DAB1: variants seen among roughly 807,000 people sequenced by gnomAD.
The protein encoded by DAB1 is disabled homolog 1.
A neutral mutation model predicts 64.6 loss-of-function variants in DAB1; 15 were observed. The ratio of observed to expected loss-of-function variants is 0.23; its 90% CI spans 0.16 to 0.36. The LOEUF (loss-of-function observed/expected upper bound fraction) is 0.36. Among genes scored for constraint, DAB1 ranks in the 10% least tolerant of loss-of-function variants. The pLI is 1.00. For synonymous variants in DAB1, 235 were observed against 251.9 expected, an observed-to-expected ratio of 0.93 and a Z score of 0.64; for missense variants, 596 against 706.7, an observed-to-expected ratio of 0.84 and a Z score of 1.78.
At chr1:57,748,960 T>C (rs1037847193) in intron 6 of DAB1, among the ~76,000 whole-genome samples, 1 of 152,220 alleles carries the variant, frequency 6.6e-6, no homozygotes, top group African/African-American at 2.4e-5. Context: ...CCACATAAAA[T>C]GCATTTTTGG....
intron 5 of DAB1, among the ~76,000 whole-genome samples, chr1:57,974,293 A>G (rs1342821113): frequency 6.6e-6 from 1 of 152,048 alleles, no homozygotes; most frequent in Non-Finnish European, 1.5e-5. Flanking sequence ...TTTAACAATG[A>G]GTGCCATTTT....
chr1:57,589,128 A>G (rs1645413259), intron 7 of DAB1, among the ~76,000 whole-genome samples: 1 of 152,186 alleles, frequency 6.6e-6, no homozygotes, highest in Admixed American at 6.5e-5. Context: ...CTAAGGCAGG[A>G]GAATTGCTTG....
At chr1:57,672,462 C>A (rs1000190403) in intron 6 of DAB1, among the ~76,000 whole-genome samples, 1 of 152,048 alleles carries the variant, frequency 6.6e-6, no homozygotes, top group African/African-American at 2.4e-5. Flanking sequence ...ACAATTTAAA[C>A]CCAGACCTTC....
intron 3 of DAB1, among the ~76,000 whole-genome samples, chr1:57,139,191 G>T (rs146263608): frequency 2.0e-5 from 3 of 152,232 alleles, no homozygotes; most frequent in Non-Finnish European, 4.4e-5. Context: ...TGATAGTACC[G>T]GGAGGTGATT....
intron 4 of DAB1, among the ~76,000 whole-genome samples, chr1:58,245,237 G>A (rs968844052): frequency 1.7e-4 from 26 of 152,186 alleles, no homozygotes; most frequent in African/African-American, 6.3e-4. Flanking sequence ...GCCCCATTCA[G>A]TCACTGTACT....
chr1:57,498,316 G>A (rs1644252757), intron 7 of DAB1, among the ~76,000 whole-genome samples: 1 of 152,202 alleles, frequency 6.6e-6, no homozygotes, highest in South Asian at 2.1e-4. Flanking sequence ...GGCTGTAGAT[G>A]TGGAAAGTCT....
At chr1:58,469,032 G>A (rs1645326718) in intron 3 of DAB1, 1 of 243,196 alleles carries the variant, frequency 4.1e-6, no homozygotes, top group Non-Finnish European at 6.6e-6. Context: ...TGAGATGTTA[G>A]AGAAGGTTAT....
At chr1:57,420,817 C>G (rs1362049107) in intron 1 of DAB1, among the ~76,000 whole-genome samples, 3 of 152,204 alleles carry the variant, frequency 2.0e-5, no homozygotes, top group Non-Finnish European at 2.9e-5. Flanking sequence ...CTGCTTAACT[C>G]AACCACGAGT....
intron 1 of DAB1, among the ~76,000 whole-genome samples, chr1:57,338,790 G>T (rs1458972416): frequency 6.6e-6 from 1 of 152,136 alleles, no homozygotes; most frequent in African/African-American, 2.4e-5. Flanking sequence ...AGGATCAGGG[G>T]CCCCAAGTCA....
At chr1:57,330,444 C>T (rs1312076488) in intron 1 of DAB1, among the ~76,000 whole-genome samples, 3 of 152,156 alleles carry the variant, frequency 2.0e-5, no homozygotes, top group African/African-American at 7.2e-5. Context: ...GTATCATTTA[C>T]TAGCTGGGTA....
chr1:57,002,217 C>T (rs1451803954), intron 14 of DAB1, among the ~76,000 whole-genome samples: 5 of 152,112 alleles, frequency 3.3e-5, no homozygotes, highest in African/African-American at 7.2e-5. Flanking sequence ...CCAATTTTCT[C>T]GAAGGTGCAG....
intron 2 of DAB1, among the ~76,000 whole-genome samples, chr1:57,233,255 CTT>C (rs1186221366): frequency 1.6e-5 from 1 of 60,806 alleles, no homozygotes; most frequent in Non-Finnish European, 2.8e-5. Context: ...TGCTCCGATT[CTT>C]TTTTTTTTTT....
At chr1:58,522,556 G>T (rs1477236071) in intron 2 of DAB1, among the ~76,000 whole-genome samples, 1 of 152,012 alleles carries the variant, frequency 6.6e-6, no homozygotes, top group Non-Finnish European at 1.5e-5. Context: ...TTTGGCTATT[G>T]CAATAAAGCA....
chr1:57,460,641 A>C (rs1434979081), intron 7 of DAB1, among the ~76,000 whole-genome samples: 1 of 152,172 alleles, frequency 6.6e-6, no homozygotes, highest in Non-Finnish European at 1.5e-5. Context: ...CATTATATTA[A>C]TATAACAGCA....
At chr1:58,316,409 T>C (rs1662559425) in intron 4 of DAB1, among the ~76,000 whole-genome samples, 1 of 152,122 alleles carries the variant, frequency 6.6e-6, no homozygotes, top group African/African-American at 2.4e-5. Context: ...AAACAGAGTC[T>C]AAGTTCATTG....
intron 5 of DAB1, among the ~76,000 whole-genome samples, chr1:57,969,557 C>A (rs1645748481): frequency 6.6e-6 from 1 of 152,140 alleles, no homozygotes; most frequent in Non-Finnish European, 1.5e-5. Flanking sequence ...TTCATTACAG[C>A]TTTTAGTTCT....
intron 1 of DAB1, among the ~76,000 whole-genome samples, chr1:57,418,465 A>T (rs1371631246): frequency 6.6e-6 from 1 of 152,230 alleles, no homozygotes; most frequent in Non-Finnish European, 1.5e-5. Context: ...ATTGTAAATC[A>T]ATATGAAGCT....
At chr1:57,657,099 T>C (rs906657107) in intron 6 of DAB1, among the ~76,000 whole-genome samples, 22 of 152,214 alleles carry the variant, frequency 1.4e-4, no homozygotes, top group Admixed American at 9.2e-4. Context: ...CTCTGAGGCC[T>C]GGTCCTGTCT....
At chr1:58,318,873 C>T (rs1662617276) in intron 4 of DAB1, among the ~76,000 whole-genome samples, 1 of 152,128 alleles carries the variant, frequency 6.6e-6, no homozygotes, top group Non-Finnish European at 1.5e-5. Flanking sequence ...CGAATGTAAC[C>T]CCCTCTGCAG....
Sources: gnomAD v4.1 joint callset for allele counts (sites outside exome capture counted in the v4.1 genomes callset) on GRCh38, gnomAD v4.1.1 for gene constraint, MANE v1.5 for transcripts, NCBI Gene and HGNC (gene_info 2026-07-23, HGNC 2026-07-21) for gene names.